Variants in FILIP1L observed in about 807,000 individuals in gnomAD.
FILIP1L encodes filamin A interacting protein 1 like.
FILIP1L carries 55 observed loss-of-function variants against 96.6 expected under a neutral mutation model. The observed-to-expected ratio is 0.57, with a 90% CI of 0.46 to 0.71. The LOEUF is 0.71. FILIP1L is among the 30% of genes least tolerant of loss of function. The pLI is 0.00. For synonymous variants in FILIP1L, 467 were observed against 473.9 expected (o/e 0.99, Z 0.19); for missense variants, 1,304 against 1,321.2 (o/e 0.99, Z 0.20).
intron 1 of FILIP1L, among the ~76,000 whole-genome samples, chr3:99,989,822 T>G (rs1295836267): frequency 1.3e-5 from 2 of 152,144 alleles, no homozygotes; most frequent in Admixed American, 1.3e-4. Context: ...AAATAAATTT[T>G]TACTTACTCA....
rs754970757 is a variant in FILIP1L, at chr3:99,930,823, G to T, written c.198C>A (p.Asp66Glu). Residue 66 changes from aspartate (D) to glutamate (E), a missense_variant, in exon 2 of 6, where the codon GAC becomes GAA. Physicochemically the swap from Asp to Glu is conservative, Grantham distance 45 (BLOSUM62 2). Coordinates refer to ENST00000477258, the MANE Select transcript of FILIP1L (RefSeq NM_001387850.1). ...GAAATAACAGGTCATCTCTTGAGAG[G>T]TCTTCTGCTTGGTGGCCATTACCAC... ...PHSGNGHQAE[D>E]LSRDDLLFLL... is the part of the protein sequence containing the mutation. The T allele has an allele frequency of 1.2e-6, 2 of 1,612,570 alleles. No individual in the cohort carries two copies. Among genetic ancestry groups the T allele is most frequent in the South Asian group, 1.1e-5 (1 of 90,894 alleles).
At chr3:99,996,766 C>A (rs1434343299) in intron 1 of FILIP1L, among the ~76,000 whole-genome samples, 1 of 151,884 alleles carries the variant, frequency 6.6e-6, no homozygotes. Context: ...TTACTCACTA[C>A]CATGAGAACA....
At chr3:99,995,809 G>A (rs1709661545) in intron 1 of FILIP1L, among the ~76,000 whole-genome samples, 1 of 152,176 alleles carries the variant, frequency 6.6e-6, no homozygotes, top group East Asian at 1.9e-4. Flanking sequence ...GCCCCTTTCA[G>A]CAATGGCCAG....
intron 1 of FILIP1L, among the ~76,000 whole-genome samples, chr3:100,113,100 A>G (rs944842976): frequency 3.3e-5 from 5 of 152,252 alleles, no homozygotes; most frequent in Non-Finnish European, 5.9e-5. Context: ...CACCTCTTCT[A>G]TTCCTTCCTG....
intron 1 of FILIP1L, among the ~76,000 whole-genome samples, chr3:100,019,715 T>A (rs1386171305): frequency 6.6e-6 from 1 of 152,254 alleles, no homozygotes; most frequent in Admixed American, 6.5e-5. Context: ...TGCTGATGTA[T>A]GTTTGTGTAA....
chr3:99,852,614 T>G (rs2107532783), intron 4 of FILIP1L, among the ~76,000 whole-genome samples: 1 of 151,968 alleles, frequency 6.6e-6, no homozygotes, highest in Non-Finnish European at 1.5e-5. Flanking sequence ...CCCAGCTAAT[T>G]TTTGTATTTT....
At chr3:99,983,830 T>A (rs1332272798) in intron 1 of FILIP1L, among the ~76,000 whole-genome samples, 1 of 151,870 alleles carries the variant, frequency 6.6e-6, no homozygotes, top group East Asian at 1.9e-4. Flanking sequence ...CAAAGGAGAA[T>A]GGACCATCTG....
rs1193593802 is a variant in FILIP1L at position 99,963,784 on chromosome 3, A to AT, written c.-10-32755dup. On this transcript the variant is annotated intron_variant, in intron 1 of 5. Coordinates refer to ENST00000477258, the MANE Select transcript of FILIP1L (RefSeq NM_001387850.1). ...AGGCACACGCCACCATGCTCAGCTA[A>AT]TTTTTGTATTTTTAGCAGAGACAGG... Among the ~76,000 whole-genome samples, 4 of 151,818 alleles carry AT rather than the reference A, an allele frequency of 2.6e-5. No homozygotes were observed. The East Asian group carries it at 7.7e-4, about 29-fold the overall frequency.
intron 1 of FILIP1L, among the ~76,000 whole-genome samples, chr3:99,983,529 A>C (rs1368932102): frequency 7.6e-6 from 1 of 132,414 alleles, no homozygotes; most frequent in Admixed American, 8.0e-5. Context: ...TACACACACA[A>C]AAAGAAAAAA....
chr3:99,927,041 A>G (rs1707315099), intron 3 of FILIP1L, among the ~76,000 whole-genome samples: 2 of 152,088 alleles, frequency 1.3e-5, no homozygotes, highest in African/African-American at 4.8e-5. Flanking sequence ...CCTTGGCCCC[A>G]TCTTCACTCC....
chr3:99,855,818 T>C (rs1943935296), intron 4 of FILIP1L, among the ~76,000 whole-genome samples: 1 of 152,250 alleles, frequency 6.6e-6, no homozygotes, highest in South Asian at 2.1e-4. Context: ...ATCTAGATTC[T>C]TTCATTCAAT....
chr3:100,098,918 A>G (rs78676889), intron 1 of FILIP1L, among the ~76,000 whole-genome samples: 238 of 152,338 alleles, frequency 1.6e-3, no homozygotes, highest in African/African-American at 5.4e-3. Context: ...ATACTTCTCA[A>G]TTTGGGATTA....
intron 5 of FILIP1L, among the ~76,000 whole-genome samples, chr3:99,847,639 A>G (rs1943426666): frequency 6.6e-6 from 1 of 152,216 alleles, no homozygotes; most frequent in Non-Finnish European, 1.5e-5. Context: ...AATGTAGTCT[A>G]AGCACTGTGC....
chr3:100,091,184 C>G (rs1227546184), intron 1 of FILIP1L, among the ~76,000 whole-genome samples: 3 of 151,106 alleles, frequency 2.0e-5, no homozygotes, highest in Non-Finnish European at 4.4e-5. Flanking sequence ...ACTCGGGAGG[C>G]TGAGGCAGGA....
rs1245135046 is a variant in FILIP1L at position 99,958,237 on chromosome 3, A to ATT, written c.-10-27209_-10-27208dup. ...TATTATTATTATTATTATTATTATTATTATTATTATTATTTGAAGGTAACA... is the reference window on the plus strand; with the variant it reads ...TATTATTATTATTATTATTATTATTATTTTATTATTATTATTTGAAGGTAACA... On this transcript the variant is annotated intron_variant, in intron 1 of 5. Transcript: ENST00000477258. 7.0e-4 allele frequency among the ~76,000 whole-genome samples: 102 copies of ATT among 146,092 alleles called. 1 individual carries two copies. Among genetic ancestry groups the ATT allele is most frequent in the Non-Finnish European group, 1.3e-3 (84 of 66,818 alleles).
intron 5 of FILIP1L, among the ~76,000 whole-genome samples, chr3:99,832,387 C>T (rs559974115): frequency 5.5e-4 from 83 of 151,132 alleles, no homozygotes; most frequent in African/African-American, 1.9e-3. Context: ...ACCGCCACCA[C>T]GCCCGGCTAA....
At chr3:100,109,954 G>T (rs1487812176) in intron 1 of FILIP1L, 2 of 119,378 alleles carry the variant, frequency 1.7e-5, no homozygotes, top group Non-Finnish European at 3.2e-5. Context: ...AGTAACTTCT[G>T]TACCCATACC....
intron 1 of FILIP1L, among the ~76,000 whole-genome samples, chr3:99,962,780 G>A (rs568935730): frequency 6.6e-6 from 1 of 152,306 alleles, no homozygotes; most frequent in East Asian, 1.9e-4. Flanking sequence ...CTAAGTGGGA[G>A]AGCTAGGATT....
chr3:100,008,991 A>G lies in FILIP1L; in HGVS notation c.-10-77961T>C, dbSNP rs1221244903. 2.6e-5 allele frequency among the ~76,000 whole-genome samples: 4 copies of G among 152,360 alleles called. No individual in the cohort carries two copies. In the East Asian group the frequency reaches 7.7e-4, roughly 29 times the overall value. The stretch of plus-strand genomic sequence containing the variant: ...CATTGATTTTCAGATTTCATATGCA[A>G]CGATAGTTTTAGCCTCAACATCCAC... On this transcript the variant is annotated intron_variant, in intron 1 of 5. Transcript: ENST00000477258.
Sources: gnomAD v4.1 joint callset for allele counts (sites outside exome capture counted in the v4.1 genomes callset) on GRCh38, gnomAD v4.1.1 for gene constraint, MANE v1.5 for transcripts, NCBI Gene and HGNC (gene_info 2026-07-23, HGNC 2026-07-21) for gene names.